The following CLVS1 variants were observed in gnomAD, a reference collection of about 807,000 sequenced individuals.
CLVS1 encodes the protein clavesin 1, also known as clavesin-1.
In CLVS1, 10 loss-of-function variants were observed where a neutral mutation model predicts 33.1. The ratio of observed to expected loss-of-function variants is 0.30; its 90% CI spans 0.19 to 0.51. CLVS1 has a LOEUF of 0.51. CLVS1 is among the 20% of genes least tolerant of loss of function. The pLI is 0.97. For missense variants in CLVS1, 343 were observed against 433.4 expected, an observed-to-expected ratio of 0.79 and a Z score of 1.85; for synonymous variants, 163 against 166.1, an observed-to-expected ratio of 0.98 and a Z score of 0.14.
intron 3 of CLVS1, among the ~76,000 whole-genome samples, chr8:61,388,056 C>T (rs538348686): frequency 4.6e-5 from 7 of 152,026 alleles, no homozygotes; most frequent in Admixed American, 1.3e-4. Context: ...ACTCTTTTGA[C>T]GAGTAAGGTA....
At chr8:61,325,400 T>C (rs1216303452) in intron 2 of CLVS1, among the ~76,000 whole-genome samples, 4 of 152,204 alleles carry the variant, frequency 2.6e-5, no homozygotes, top group Non-Finnish European at 5.9e-5. Context: ...TAGTGTTCTA[T>C]AGAACATTGA....
chr8:61,485,139 C>A (rs975009085), intron 5 of CLVS1, among the ~76,000 whole-genome samples: 2 of 151,912 alleles, frequency 1.3e-5, no homozygotes, highest in African/African-American at 4.8e-5. Flanking sequence ...AAAGAAACTA[C>A]CATCAGAGTG....
intron 2 of CLVS1, among the ~76,000 whole-genome samples, chr8:61,257,252 C>G (rs1361620494): frequency 6.6e-6 from 1 of 152,192 alleles, no homozygotes; most frequent in African/African-American, 2.4e-5. Context: ...CAACCAAATA[C>G]TGATAAAATC....
At position 61,405,703 on chromosome 8, in the gene CLVS1, C is replaced by CTTT. The variant is rs775749517; in HGVS notation, c.630+28941_630+28943dup. Among the ~76,000 whole-genome samples, 236 of 124,784 alleles carry CTTT rather than the reference C, an allele frequency of 1.9e-3. 2 individuals carry two copies. Among genetic ancestry groups the CTTT allele is most frequent in the African/African-American group, 6.4e-3 (215 of 33,786 alleles). 81.9% of individuals were successfully genotyped at this position (124,784 alleles called of 152,430 possible). Reference sequence around the variant, plus strand: ...TCAATACACTGATAAGTGGAACTGACTTTTTTTTTTTTTTTTTTTGCTCCT... The same window carrying CTTT: ...TCAATACACTGATAAGTGGAACTGACTTTTTTTTTTTTTTTTTTTTTTGCTCCT... On this transcript the variant is annotated intron_variant, in intron 3 of 5. Transcript: ENST00000325897.
chr8:61,026,232 T>C, the CLVS1 span, among the ~76,000 whole-genome samples: 1 of 152,114 alleles, frequency 6.6e-6, no homozygotes, highest in Non-Finnish European at 1.5e-5. Context: ...AAGACCCTCT[T>C]CATGAGAAGA....
chr8:61,057,413 C>CA (rs1207837305), intron 1 of CLVS1, among the ~76,000 whole-genome samples: 40 of 144,464 alleles, frequency 2.8e-4, no homozygotes, highest in African/African-American at 9.7e-4. Context: ...CACACACACA[C>CA]CCCATCCAAG....
At chr8:61,420,489 C>T (rs538502419) in intron 3 of CLVS1, among the ~76,000 whole-genome samples, 39 of 152,196 alleles carry the variant, frequency 2.6e-4, no homozygotes, top group African/African-American at 9.4e-4. Context: ...GTAGTCCGAG[C>T]TACTCGGGAG....
At chr8:61,179,975 G>A (rs1347123464) in intron 2 of CLVS1, among the ~76,000 whole-genome samples, 2 of 152,042 alleles carry the variant, frequency 1.3e-5, no homozygotes, top group Admixed American at 1.3e-4. Context: ...CAGAAGACAA[G>A]AAATAACTAA....
At chr8:61,034,107 G>C in the CLVS1 span, among the ~76,000 whole-genome samples, 1 of 152,138 alleles carries the variant, frequency 6.6e-6, no homozygotes, top group Non-Finnish European at 1.5e-5. Flanking sequence ...CCCTGGGCCC[G>C]CAGCTCCAGG....
At chr8:61,386,888 C>A (rs1418013093) in intron 3 of CLVS1, among the ~76,000 whole-genome samples, 3 of 152,092 alleles carry the variant, frequency 2.0e-5, no homozygotes, top group Non-Finnish European at 2.9e-5. Flanking sequence ...AGGAGAGCAA[C>A]AAACCATCAC....
At chr8:61,294,258 C>A (rs1368376048) in intron 1 of CLVS1, among the ~76,000 whole-genome samples, 1 of 152,078 alleles carries the variant, frequency 6.6e-6, no homozygotes, top group African/African-American at 2.4e-5. Context: ...GGTTTGAGTG[C>A]AAATCTTTGT....
At chr8:61,490,159 TA>T in intron 5 of CLVS1, among the ~76,000 whole-genome samples, 1 of 151,180 alleles carries the variant, frequency 6.6e-6, no homozygotes, top group Admixed American at 6.6e-5. Flanking sequence ...CTACTAAAAA[TA>T]AAAAATTACC....
At chr8:61,468,735 A>AAAAAAG (rs1217287345) in intron 5 of CLVS1, among the ~76,000 whole-genome samples, 11,160 of 137,942 alleles carry the variant, frequency 0.081, 436 homozygotes, top group African/African-American at 0.11. Context: ...AAAAAAAAAA[A>AAAAAAG]AAAAGGTAGT....
intron 3 of CLVS1, among the ~76,000 whole-genome samples, chr8:61,410,434 G>T (rs1172287837): frequency 6.6e-6 from 1 of 151,958 alleles, no homozygotes; most frequent in Non-Finnish European, 1.5e-5. Flanking sequence ...CCGGTAGATC[G>T]ACTTTCTTTA....
intron 2 of CLVS1, among the ~76,000 whole-genome samples, chr8:61,145,028 G>A (rs941044908): frequency 1.3e-5 from 2 of 152,192 alleles, no homozygotes; most frequent in Non-Finnish European, 2.9e-5. Flanking sequence ...ACCGCACCCG[G>A]CCAATGAGCT....
the CLVS1 span, among the ~76,000 whole-genome samples, chr8:60,992,136 T>A: frequency 6.6e-6 from 1 of 152,214 alleles, no homozygotes; most frequent in African/African-American, 2.4e-5. Context: ...AGCTCCTTGC[T>A]TAAGTCCCTT....
Position 61,125,962 on chromosome 8 carries a change from CAT to C in CLVS1, c.-242-5807_-242-5806del, listed in dbSNP as rs1805960941. Among the ~76,000 whole-genome samples the C allele has an allele frequency of 4.9e-5, 5 of 101,022 alleles. No homozygotes were observed. The Admixed American group carries it at 5.5e-4, about 11-fold the overall frequency. 66.3% of individuals were successfully genotyped at this position (101,022 alleles called of 152,430 possible). A position where few individuals can be genotyped will look rare whatever the true frequency, so the allele number is the denominator to read the frequency against. On this transcript the variant is annotated intron_variant, in intron 1 of 2. Transcript: ENST00000522621. ...AACGGAATAGAGCCTTTTTTAAGGA[CAT>C]TTTTTTTTTTCTGATTCCAAATGTA...
intron 2 of CLVS1, among the ~76,000 whole-genome samples, chr8:61,256,996 G>A (rs1217772990): frequency 6.6e-6 from 1 of 152,132 alleles, no homozygotes; most frequent in Non-Finnish European, 1.5e-5. Context: ...TTGGGGTGAT[G>A]TTTCCCATGC....
intron 5 of CLVS1, among the ~76,000 whole-genome samples, chr8:61,491,352 A>C (rs1299019634): frequency 1.3e-5 from 2 of 152,332 alleles, no homozygotes; most frequent in Admixed American, 1.3e-4. Context: ...ATGAGTGACA[A>C]GAAGAGGTGC....
Sources: allele counts gnomAD v4.1 joint callset (sites outside exome capture counted in the v4.1 genomes callset), GRCh38; gene constraint gnomAD v4.1.1; transcripts MANE v1.5; gene names NCBI Gene and HGNC (gene_info 2026-07-23, HGNC 2026-07-21).